YEATS2: variants seen among roughly 807,000 people sequenced by gnomAD.
YEATS2 encodes YEATS domain-containing protein 2.
In YEATS2, 77 loss-of-function variants were observed where a neutral mutation model predicts 163.2. The observed-to-expected ratio is 0.47, with a 90% confidence interval of 0.39 to 0.57. The LOEUF is 0.57. YEATS2 is among the 20% of genes least tolerant of loss of function. YEATS2 has a pLI of 0.00. For missense variants in YEATS2, 1,549 were observed against 1,729.8 expected (o/e 0.90, Z 1.85); for synonymous variants, 631 against 645.1 (o/e 0.98, Z 0.33).
At chr3:183,731,267 C>G (rs917413125) in intron 7 of YEATS2, among the ~76,000 whole-genome samples, 1 of 147,636 alleles carries the variant, frequency 6.8e-6, no homozygotes, top group Non-Finnish European at 1.5e-5. Context: ...CCACTGCACT[C>G]CAGCCTGGAG....
At chr3:183,764,432 CCTAT>C (rs1263486740) in intron 15 of YEATS2, among the ~76,000 whole-genome samples, 2 of 148,974 alleles carry the variant, frequency 1.3e-5, no homozygotes, top group Non-Finnish European at 3.0e-5. Context: ...ACCCAGCCTA[CCTAT>C]CTAAGGAGAA....
chr3:183,728,124 A>G (rs939492782), intron 6 of YEATS2, among the ~76,000 whole-genome samples: 1 of 152,078 alleles, frequency 6.6e-6, no homozygotes, highest in African/African-American at 2.4e-5. Context: ...AAGTACAGTG[A>G]TGTGATTGTA....
At chr3:183,728,375 C>T (rs928195812) in intron 6 of YEATS2, among the ~76,000 whole-genome samples, 7 of 152,338 alleles carry the variant, frequency 4.6e-5, no homozygotes, top group East Asian at 1.9e-4. Flanking sequence ...AATAGCTAAA[C>T]ATGGTGATGG....
chr3:183,752,205 C>G lies in YEATS2; in HGVS notation c.1102C>G (p.Pro368Ala). Residue 368 changes from proline to alanine, a missense_variant, in exon 10 of 31, where the codon CCA (proline) becomes GCA (alanine). Coordinates refer to ENST00000305135, the MANE Select transcript of YEATS2 (RefSeq NM_018023.5). Reference protein sequence around the residue: ...TIPAPVKASSPIKQSHEPVPD... With the variant: ...TIPAPVKASSAIKQSHEPVPD... ...TCCAGCCCCAGTGAAAGCTTCTTCA[C>G]CAATAAAGCAGTCACATGAGCCAGT... 6.2e-7 allele frequency: 1 copy of G among 1,614,148 alleles called. No individual in the cohort carries two copies. Among genetic ancestry groups the G allele is most frequent in the Non-Finnish European group, 8.5e-7 (1 of 1,180,030 alleles).
At chr3:183,758,274 T>C (rs1720967800) in intron 12 of YEATS2, among the ~76,000 whole-genome samples, 1 of 152,072 alleles carries the variant, frequency 6.6e-6, no homozygotes, top group Admixed American at 6.6e-5. Context: ...GGAGAATCAC[T>C]TGAACCCAGT....
At chr3:183,789,761 G>T (rs561603550) in intron 20 of YEATS2, among the ~76,000 whole-genome samples, 14 of 150,570 alleles carry the variant, frequency 9.3e-5, no homozygotes, top group African/African-American at 3.4e-4. Flanking sequence ...GGAGGGTCTT[G>T]CTCTCCTGAC....
At chr3:183,750,905 T>C (rs1720092083) in intron 9 of YEATS2, among the ~76,000 whole-genome samples, 1 of 152,200 alleles carries the variant, frequency 6.6e-6, no homozygotes, top group Admixed American at 6.5e-5. Context: ...TATTTTTGCC[T>C]TTTCACTCTG....
At chr3:183,796,612 C>T (rs560209528) in intron 21 of YEATS2, among the ~76,000 whole-genome samples, 1 of 150,142 alleles carries the variant, frequency 6.7e-6, no homozygotes, top group Admixed American at 6.7e-5. Context: ...TACATTGGCA[C>T]CAGATTAAAA....
intron 13 of YEATS2, among the ~76,000 whole-genome samples, chr3:183,761,236 C>T (rs1166935829): frequency 2.0e-5 from 3 of 151,800 alleles, no homozygotes; most frequent in Admixed American, 6.6e-5. Context: ...TACAGGCACC[C>T]GCCACCACAC....
intron 21 of YEATS2, chr3:183,793,208 C>T: frequency 1.6e-6 from 2 of 1,259,592 alleles, no homozygotes; most frequent in Non-Finnish European, 2.1e-6. Flanking sequence ...GCAGACAACA[C>T]CCCTTACTGC....
chr3:183,790,331 CAG>C (rs1724492985), intron 20 of YEATS2, among the ~76,000 whole-genome samples: 1 of 152,166 alleles, frequency 6.6e-6, no homozygotes, highest in South Asian at 2.1e-4. Context: ...GCTTTTCTCT[CAG>C]AGCCTTAGCA....
intron 29 of YEATS2, 199 bp from the exon 30 acceptor site, chr3:183,808,898 C>T: frequency 1.9e-6 from 1 of 535,594 alleles, no homozygotes; most frequent in Admixed American, 3.2e-5. Context: ...TAATGAAAAT[C>T]ACTCCAATTC....
Position 183,724,459 on chromosome 3 carries a change from G to A in YEATS2, c.578G>A (p.Arg193Gln), listed in dbSNP as rs199689342. 1.2e-4 allele frequency: 193 copies of A among 1,613,544 alleles called. No homozygotes were observed. Among genetic ancestry groups the A allele is most frequent in the Middle Eastern group, 1.6e-4 (1 of 6,082 alleles). Residue 193 changes from arginine to glutamine, a missense_variant, in exon 6 of 31, where the codon CGG becomes CAG. Transcript: ENST00000305135. The part of the protein sequence containing the change: ...RITGSHKTEQ[R>Q]NADLTDETSR... ...ACTGGCTCCCATAAAACAGAACAGC[G>A]GAATGCTGATCTCACAGATGAGACT...
intron 11 of YEATS2, among the ~76,000 whole-genome samples, chr3:183,754,849 G>A (rs1720549730): frequency 6.6e-6 from 1 of 152,146 alleles, no homozygotes; most frequent in East Asian, 1.9e-4. Context: ...GAGTTGTCTT[G>A]TTCACTAAGA....
At chr3:183,800,127 C>T (rs557644761) in intron 23 of YEATS2, among the ~76,000 whole-genome samples, 6 of 152,284 alleles carry the variant, frequency 3.9e-5, no homozygotes, top group East Asian at 1.9e-4. Flanking sequence ...CCACCGCGCC[C>T]GGCCCAGAGT....
At chr3:183,737,612 T>C (rs184702735) in intron 8 of YEATS2, among the ~76,000 whole-genome samples, 8 of 152,352 alleles carry the variant, frequency 5.3e-5, no homozygotes, top group Admixed American at 3.3e-4. Flanking sequence ...CAAATAATAA[T>C]GTTTGTCTGT....
Position 183,762,194 on chromosome 3 carries a change from G to T in YEATS2, c.1862G>T (p.Gly621Val), listed in dbSNP as rs1216113842. The T allele has an allele frequency of 1.9e-6, 3 of 1,614,060 alleles. No individual in the cohort carries two copies. The highest frequency in any genetic ancestry group is 1.3e-5 in the African/African-American group (1 of 74,918). Residue 621 changes from glycine to valine, a missense_variant, in exon 15 of 31, where the codon GGT becomes GTT. Coordinates refer to ENST00000305135, the MANE Select transcript of YEATS2 (RefSeq NM_018023.5). ...CCGCAGTATGTGACTGTGAAAGGGG[G>T]TCACATGATAGCTGTGTCCCCTCAA... ...PLPQYVTVKG[G>V]HMIAVSPQKQ...
chr3:183,793,490 A>ATGCCCT, intron 21 of YEATS2: 1 of 555,224 alleles, frequency 1.8e-6, no homozygotes, highest in Non-Finnish European at 2.0e-6. Context: ...ATAATAATGA[A>ATGCCCT]TACCTTGTCT....
At position 183,788,715 on chromosome 3, in the gene YEATS2, C is replaced by A. The variant is rs531983247; in HGVS notation, c.2914-2082C>A. Reference sequence around the variant, plus strand: ...GTTCTATTTTCAGTTTTTTGAGGACCCTCTGTACTGTTCTCTATCGTGATT... The same window carrying A: ...GTTCTATTTTCAGTTTTTTGAGGACACTCTGTACTGTTCTCTATCGTGATT... On this transcript the variant is annotated intron_variant, in intron 20 of 30. Coordinates refer to ENST00000305135, the MANE Select transcript of YEATS2 (RefSeq NM_018023.5). Among the ~76,000 whole-genome samples the A allele has an allele frequency of 1.6e-4, 25 of 152,240 alleles. No homozygotes were observed. The South Asian group carries it at 5.0e-3, about 30-fold the overall frequency.
Sources: allele counts gnomAD v4.1 joint callset (sites outside exome capture counted in the v4.1 genomes callset), GRCh38; gene constraint gnomAD v4.1.1; transcripts MANE v1.5; gene names NCBI Gene and HGNC (gene_info 2026-07-23, HGNC 2026-07-21).